ZBTB20: variants seen among roughly 807,000 people sequenced by gnomAD.
ZBTB20 encodes zinc finger and BTB domain containing 20.
In ZBTB20, 9 loss-of-function variants were observed where a neutral mutation model predicts 56.9. That is an observed-to-expected ratio of 0.16 (90% confidence interval 0.10 to 0.28). The LOEUF (loss-of-function observed/expected upper bound fraction) is 0.28, where lower values mean the gene tolerates loss of function less well. Ranked by LOEUF, ZBTB20 falls within the 10% of genes least tolerant of loss-of-function variation. The pLI is 1.00. For synonymous variants in ZBTB20, 417 were observed against 420.7 expected (o/e 0.99, Z 0.11); for missense variants, 655 against 1,003.0 (o/e 0.65, Z 4.69).
intron 5 of ZBTB20, among the ~76,000 whole-genome samples, chr3:114,730,056 C>T (rs1217884605): frequency 6.6e-6 from 1 of 151,400 alleles, no homozygotes; most frequent in Non-Finnish European, 1.5e-5. Flanking sequence ...CCTTGGCCTC[C>T]CAAGGTGCTG....
chr3:114,793,052 T>C (rs1296197990), intron 5 of ZBTB20, among the ~76,000 whole-genome samples: 1 of 151,828 alleles, frequency 6.6e-6, no homozygotes, highest in African/African-American at 2.4e-5. Context: ...ATTTTTTTTA[T>C]ATTTTTTAGT....
chr3:114,805,900 T>G (rs755778436), intron 4 of ZBTB20, among the ~76,000 whole-genome samples: 5 of 151,898 alleles, frequency 3.3e-5, no homozygotes, highest in Non-Finnish European at 7.4e-5. Flanking sequence ...TTTAAGATTC[T>G]TTTATGTTGT....
intron 1 of ZBTB20, among the ~76,000 whole-genome samples, chr3:115,081,520 A>T (rs2082795182): frequency 6.6e-6 from 1 of 152,266 alleles, no homozygotes; most frequent in Non-Finnish European, 1.5e-5. Context: ...AGTAATTTCT[A>T]TGTGCTAGAG....
Position 114,407,390 on chromosome 3 carries a change from T to C in ZBTB20, c.-254-18285A>G, listed in dbSNP as rs1026957994. 3.9e-5 allele frequency among the ~76,000 whole-genome samples: 6 copies of C among 152,184 alleles called. No homozygotes were observed. The East Asian group carries it at 1.2e-3, about 29-fold the overall frequency. On this transcript the variant is annotated intron_variant, in intron 7 of 11. Transcript: ENST00000675478. ...ACAGAGTGAAACATTTATGCACTTT[T>C]ATTGCAAGGCTTCTTATTTTAAACA...
chr3:114,544,458 TTTCTTTCTTTC>T (rs1183171892), intron 6 of ZBTB20, among the ~76,000 whole-genome samples: 2 of 110,396 alleles, frequency 1.8e-5, no homozygotes, highest in African/African-American at 3.7e-5. Context: ...TCTTTCTTTC[TTTCTTTCTTTC>T]TTTCTTTCTT....
intron 1 of ZBTB20, among the ~76,000 whole-genome samples, chr3:115,119,384 A>C (rs996942209): frequency 6.6e-6 from 1 of 152,204 alleles, no homozygotes; most frequent in African/African-American, 2.4e-5. Flanking sequence ...CTGATGATTA[A>C]ATAAGATAAT....
At chr3:115,059,294 G>A (rs1301168667) in intron 2 of ZBTB20, among the ~76,000 whole-genome samples, 1 of 152,142 alleles carries the variant, frequency 6.6e-6, no homozygotes, top group Non-Finnish European at 1.5e-5. Context: ...ACTTCACAAA[G>A]TATTAGACAT....
chr3:114,399,488 T>C (rs1408082419), intron 7 of ZBTB20, among the ~76,000 whole-genome samples: 1 of 152,186 alleles, frequency 6.6e-6, no homozygotes, highest in Non-Finnish European at 1.5e-5. Flanking sequence ...TATCAGAGTG[T>C]TGGTTATTAG....
intron 1 of ZBTB20, among the ~76,000 whole-genome samples, chr3:115,127,855 T>C (rs73230610): frequency 0.011 from 1,656 of 152,286 alleles, 10 homozygotes; most frequent in Middle Eastern, 0.044. Flanking sequence ...AATTCAGAGT[T>C]TATGTTGAAA....
At chr3:115,040,832 T>G (rs1269220326) in intron 2 of ZBTB20, among the ~76,000 whole-genome samples, 1 of 152,114 alleles carries the variant, frequency 6.6e-6, no homozygotes, top group Non-Finnish European at 1.5e-5. Context: ...GGGAGTGGAA[T>G]CCTCGAGTTA....
chr3:114,433,023 A>G (rs974254974), intron 7 of ZBTB20, among the ~76,000 whole-genome samples: 2 of 152,206 alleles, frequency 1.3e-5, no homozygotes, highest in African/African-American at 4.8e-5. Context: ...TGGGATGCCA[A>G]AGCTTCTTCA....
chr3:114,662,563 C>A, intron 6 of ZBTB20, among the ~76,000 whole-genome samples: 2 of 141,296 alleles, frequency 1.4e-5, no homozygotes, highest in Non-Finnish European at 3.1e-5. Flanking sequence ...CTCTCCAGCA[C>A]CTGTTGTTTC....
chr3:115,088,734 A>G (rs2083080756), intron 1 of ZBTB20, among the ~76,000 whole-genome samples: 1 of 151,810 alleles, frequency 6.6e-6, no homozygotes, highest in African/African-American at 2.4e-5. Flanking sequence ...AACATCAGGA[A>G]TGCTCAAGAG....
intron 6 of ZBTB20, among the ~76,000 whole-genome samples, chr3:114,662,528 A>C (rs2060796909): frequency 6.9e-6 from 1 of 144,368 alleles, no homozygotes; most frequent in Non-Finnish European, 1.5e-5. Flanking sequence ...CCAACAGTGT[A>C]AAAGTGTTCC....
intron 4 of ZBTB20, among the ~76,000 whole-genome samples, chr3:114,849,964 A>G (rs554176837): frequency 6.7e-6 from 1 of 148,170 alleles, no homozygotes; most frequent in Non-Finnish European, 1.5e-5. Context: ...CAATGGCGCA[A>G]TCTCGGCTCA....
At chr3:114,777,789 T>C (rs1010163797) in intron 5 of ZBTB20, among the ~76,000 whole-genome samples, 1 of 151,992 alleles carries the variant, frequency 6.6e-6, no homozygotes, top group African/African-American at 2.4e-5. Flanking sequence ...TAAAGACACA[T>C]GCACATGTAT....
rs2081160596 is a variant in ZBTB20 at position 115,041,931 on chromosome 3, A to G, written c.-507+29288T>C. 2.0e-5 allele frequency among the ~76,000 whole-genome samples: 3 copies of G among 152,312 alleles called. No homozygotes were observed. The South Asian group carries it at 6.2e-4, about 32-fold the overall frequency. Reference sequence around the variant, plus strand: ...TAATGAGCCTGCCTGAATTATGAGAATAAAGTTTTCCTTTTTTAAAGAGTT... The same window carrying G: ...TAATGAGCCTGCCTGAATTATGAGAGTAAAGTTTTCCTTTTTTAAAGAGTT... On this transcript the variant is annotated intron_variant, in intron 2 of 11. Coordinates refer to ENST00000675478, the MANE Select transcript of ZBTB20 (RefSeq NM_001348800.3).
At chr3:114,386,499 G>A (rs1047111903) in intron 8 of ZBTB20, among the ~76,000 whole-genome samples, 1 of 152,162 alleles carries the variant, frequency 6.6e-6, no homozygotes, top group African/African-American at 2.4e-5. Context: ...GGTACTAGCA[G>A]TAGTGGAAAG....
chr3:114,421,821 T>TTG, intron 7 of ZBTB20, among the ~76,000 whole-genome samples: 1 of 151,492 alleles, frequency 6.6e-6, no homozygotes, highest in Admixed American at 6.6e-5. Context: ...TTTTTTTTTT[T>TTG]AACTCTGCGT....
Sources: allele counts gnomAD v4.1 joint callset (sites outside exome capture counted in the v4.1 genomes callset), GRCh38; gene constraint gnomAD v4.1.1; transcripts MANE v1.5; gene names NCBI Gene and HGNC (gene_info 2026-07-23, HGNC 2026-07-21).